The following PPT2 variants were observed in gnomAD, a reference collection of about 807,000 sequenced individuals.
PPT2 encodes lysosomal thioesterase PPT2.
A neutral mutation model predicts 37.3 loss-of-function variants in PPT2; 20 were observed. The ratio of observed to expected loss-of-function variants is 0.54; its 90% CI spans 0.38 to 0.78. PPT2 has a LOEUF of 0.78. Among genes scored for constraint, PPT2 ranks in the 30% least tolerant of loss-of-function variants. The pLI, the probability that PPT2 is intolerant of heterozygous loss-of-function variation, is 0.00. For synonymous variants in PPT2, 135 were observed against 159.1 expected (o/e 0.85, Z 1.14); for missense variants, 270 against 389.8 (o/e 0.69, Z 2.59).
In PPT2 at chr6:32,157,623, CTGTT is replaced by C; in HGVS notation, c.542-10_542-7del. The C allele has an allele frequency of 6.4e-7, 1 of 1,564,388 alleles. No individual in the cohort carries two copies. Among genetic ancestry groups the C allele is most frequent in the Non-Finnish European group, 8.8e-7 (1 of 1,135,706 alleles). On this transcript the variant is annotated splice_polypyrimidine_tract_variant and intron_variant, in intron 5 of 8. Transcript: ENST00000324816. Reference sequence around the variant, plus strand: ...CCTTTTCTGCTTCTTTTTCTAACTGCTGTTTGTACCCAGATCCCCACCACGATGA... The same window carrying C: ...CCTTTTCTGCTTCTTTTTCTAACTGCTGTACCCAGATCCCCACCACGATGA...
At chr6:32,154,054 G>T, upstream of PPT2, 2 of 1,119,134 alleles carry the variant, frequency 1.8e-6, no homozygotes, top group Non-Finnish European at 2.2e-6. This position sits in a 1 kb window ranked among gnomAD's most constrained non-coding sequence, Gnocchi z 7.3. Flanking sequence ...TCTGTGTTGC[G>T]GGGAACGCTC....
chr6:32,153,667 G>C, upstream of PPT2: 1 of 1,574,498 alleles, frequency 6.4e-7, no homozygotes, highest in Non-Finnish European at 8.6e-7. The surrounding 1 kb of genome is among the most constrained non-coding windows in gnomAD (Gnocchi z 4.4). Context: ...GGACTGGAGG[G>C]TGGGGTGGGG....
Position 32,155,568 on chromosome 6 carries a change from GTGTC to G in PPT2, c.338-116_338-113del. Reference sequence around the variant, plus strand: ...CCTCAGTCTCCTTTGTGTACAGTGTGTGTCTGTGTGTGTCTCTGTGTGTGTGTGT... The same window carrying G: ...CCTCAGTCTCCTTTGTGTACAGTGTGTGTGTGTGTCTCTGTGTGTGTGTGT... On this transcript the variant is annotated intron_variant, in intron 3 of 8. Transcript: ENST00000324816. This position sits in a 1 kb window ranked among gnomAD's most constrained non-coding sequence, Gnocchi z 4.3. 2.4e-6 allele frequency: 2 copies of G among 836,294 alleles called. No individual in the cohort carries two copies. The highest frequency in any genetic ancestry group is 2.5e-5 in the East Asian group (1 of 40,666). The allele number at this position is 836,294 out of a possible 1,614,324, so 51.8% of individuals were successfully genotyped here. A position where few individuals can be genotyped will look rare whatever the true frequency, so the allele number is the denominator to read the frequency against.
upstream of PPT2, chr6:32,153,585 T>C: frequency 6.3e-7 from 1 of 1,583,350 alleles, no homozygotes; most frequent in South Asian, 1.2e-5. This position sits in a 1 kb window ranked among gnomAD's most constrained non-coding sequence, Gnocchi z 4.4. Context: ...CCTCGAGGAC[T>C]CTCTGCGTCT....
rs1783649411 is a variant in PPT2 at position 32,154,914 on chromosome 6, G to C, written c.184-116G>C. On this transcript the variant is annotated intron_variant, in intron 2 of 8. Coordinates refer to ENST00000324816, the MANE Select transcript of PPT2 (RefSeq NM_005155.7). This position sits in a 1 kb window ranked among gnomAD's most constrained non-coding sequence, Gnocchi z 7.3. ...CTGGTGCTGGCGTGGGGGAGAGTTG[G>C]GGGACGGGATCCCTGGTTCTAGCAG... 6.5e-7 allele frequency: 1 copy of C among 1,540,626 alleles called. No individual in the cohort carries two copies. Among genetic ancestry groups the C allele is most frequent in the Middle Eastern group, 2.2e-4 (1 of 4,508 alleles).
rs9281662 is a variant in PPT2 at position 32,157,179 on chromosome 6, TAA to T, written c.542-447_542-446del. 48 of 151,340 alleles carry T rather than the reference TAA, an allele frequency of 3.2e-4. 1 individual carries two copies. In the South Asian group the frequency reaches 6.4e-3, roughly 20 times the overall value. The allele number at this position is 151,340 out of a possible 1,614,324, so 9.4% of individuals were successfully genotyped here. ...CTGGGTGACGGAGTGAGATTTCATC[TAA>T]AAAAAAAAAAGTACTTGTTACTATG... On this transcript the variant is annotated intron_variant, in intron 5 of 8. Coordinates refer to ENST00000324816, the MANE Select transcript of PPT2 (RefSeq NM_005155.7).
In PPT2 at chr6:32,155,820, T is replaced by G; in HGVS notation, c.433+37T>G. 1 of 1,611,238 alleles carries G rather than the reference T, an allele frequency of 6.2e-7. No individual in the cohort carries two copies. Among genetic ancestry groups the G allele is most frequent in the Non-Finnish European group, 8.5e-7 (1 of 1,177,440 alleles). ...CTAGACTCCATAGAATGCCCTGAGT[T>G]TTGGGGGAACAGAGGTTTATGGTCA... On this transcript the variant is annotated intron_variant, in intron 4 of 8. Coordinates refer to ENST00000324816, the MANE Select transcript of PPT2 (RefSeq NM_005155.7). This position sits in a 1 kb window ranked among gnomAD's most constrained non-coding sequence, Gnocchi z 4.3.
rs143821033 is a variant in PPT2, at chr6:32,155,705, G to A, written c.355G>A (p.Ala119Thr). 2.0e-5 allele frequency: 32 copies of A among 1,613,772 alleles called. No individual in the cohort carries two copies. The highest frequency in any genetic ancestry group is 2.7e-5 in the Non-Finnish European group (32 of 1,179,996). The change falls in exon 4 of 9, where the codon GCT (alanine) becomes ACT (threonine). Residue 119 changes from alanine (A) to threonine (T), a missense_variant. Transcript: ENST00000324816. This position sits in a 1 kb window ranked among gnomAD's most constrained non-coding sequence, Gnocchi z 4.3. ...CYSQGGLVCR[A>T]LLSVMDDHNV... ...GCTTACAGGGGGCCTTGTGTGCCGGGCTCTGCTTTCTGTCATGGATGATCA... is the reference window on the plus strand; with the variant it reads ...GCTTACAGGGGGCCTTGTGTGCCGGACTCTGCTTTCTGTCATGGATGATCA...
In PPT2 at chr6:32,157,734, C is replaced by G; in HGVS notation, c.625+14C>G. 6.3e-7 allele frequency: 1 copy of G among 1,577,490 alleles called. No homozygotes were observed. On this transcript the variant is annotated intron_variant, in intron 6 of 8. Coordinates refer to ENST00000324816, the MANE Select transcript of PPT2 (RefSeq NM_005155.7). Reference sequence around the variant, plus strand: ...CCAATGCCACAGGTGAGAATTCAGGCTCCTACCTGTGTTGCTTTTTCTGCT... The same window carrying G: ...CCAATGCCACAGGTGAGAATTCAGGGTCCTACCTGTGTTGCTTTTTCTGCT...
chr6:32,154,688 C>T lies in PPT2; in HGVS notation c.94C>T (p.His32Tyr). 1 of 1,613,092 alleles carries T rather than the reference C, an allele frequency of 6.2e-7. No individual in the cohort carries two copies. Among genetic ancestry groups the T allele is most frequent in the Non-Finnish European group, 8.5e-7 (1 of 1,180,014 alleles). ...GCTGCTGCTTGCAGCCCCCGCGCCC[C>T]ACCGCGCGTCCTACAAGCCGGTCAT... ...PLLLLAAPAPHRASYKPVIVV... is the reference protein window; with the variant it reads ...PLLLLAAPAPYRASYKPVIVV... The change falls in exon 2 of 9, where the codon CAC becomes TAC. Residue 32 changes from histidine (H) to tyrosine (Y), a missense_variant. Transcript: ENST00000324816. The surrounding 1 kb of genome is among the most constrained non-coding windows in gnomAD (Gnocchi z 7.3).
chr6:32,158,002 CT>C, intron 7 of PPT2, 78 bp downstream of exon 7: 1 of 1,255,516 alleles, frequency 8.0e-7, no homozygotes, highest in South Asian at 1.4e-5. Context: ...CATGCCTAAA[CT>C]GGCCTGCTCC....
chr6:32,159,589 AATATTGTAATAAT>A (rs1409039710), intron 7 of PPT2, among the ~76,000 whole-genome samples: 1 of 151,474 alleles, frequency 6.6e-6, no homozygotes, highest in Non-Finnish European at 1.5e-5. Context: ...CATCTCTTAA[AATATTGTAATAAT>A]ATAATAGTAA....
rs1195948497 is a variant in PPT2 at position 32,156,187 on chromosome 6, C to T, written c.541+209C>T. Among the ~76,000 whole-genome samples, 1 of 151,798 alleles carries T rather than the reference C, an allele frequency of 6.6e-6. No homozygotes were observed. Among genetic ancestry groups the T allele is most frequent in the East Asian group, 1.9e-4 (1 of 5,162 alleles). On this transcript the variant is annotated intron_variant, in intron 5 of 8. Transcript: ENST00000324816. The surrounding 1 kb of genome is among the most constrained non-coding windows in gnomAD (Gnocchi z 4.9). ...AGTGCACCATCTTGGCTCACTGCAA[C>T]CTCCGCCTCCCAGGTTCAAGTGATC...
Position 32,157,648 on chromosome 6 carries a change from G to A in PPT2, c.553G>A (p.Asp185Asn), listed in dbSNP as rs752170776. 23 of 1,597,008 alleles carry A rather than the reference G, an allele frequency of 1.4e-5. No individual in the cohort carries two copies. Among genetic ancestry groups the A allele is most frequent in the Non-Finnish European group, 1.4e-5 (16 of 1,165,514 alleles). The stretch of plus-strand genomic sequence containing the variant: ...CTGTTTGTACCCAGATCCCCACCAC[G>A]ATGACTTGTACCTCAATGCCAGCAG... ...ICNYWHDPHHDDLYLNASSFL... is the reference protein window; with the variant it reads ...ICNYWHDPHHNDLYLNASSFL... Residue 185 changes from aspartate to asparagine, a missense_variant, in exon 6 of 9, where the codon GAT becomes AAT. Coordinates refer to ENST00000324816, the MANE Select transcript of PPT2 (RefSeq NM_005155.7).
In PPT2 at chr6:32,154,823, G is replaced by A. The variant is rs1433651952; in HGVS notation, c.183+46G>A. The stretch of plus-strand genomic sequence containing the variant: ...GTGCAGGGCGTTAGAGGCGTCTACT[G>A]TGGCAGGGGAGGGAGAGCGGGGAAC... On this transcript the variant is annotated intron_variant, in intron 2 of 8. Transcript: ENST00000324816. The surrounding 1 kb of genome is among the most constrained non-coding windows in gnomAD (Gnocchi z 7.3). 6.3e-7 allele frequency: 1 copy of A among 1,584,856 alleles called. No individual in the cohort carries two copies. The highest frequency in any genetic ancestry group is 8.6e-7 in the Non-Finnish European group (1 of 1,160,972).
Position 32,162,817 on chromosome 6 carries a change from G to A in PPT2, c.776G>A (p.Arg259Gln), listed in dbSNP as rs766049550. 7 of 1,613,368 alleles carry A rather than the reference G, an allele frequency of 4.3e-6. No homozygotes were observed. The highest frequency in any genetic ancestry group is 1.7e-5 in the Admixed American group (1 of 59,864). Residue 259 changes from arginine to glutamine, a missense_variant, in exon 9 of 9, where the codon CGG becomes CAG. By Grantham distance (43) the Arg-to-Gln change is conservative. Coordinates refer to ENST00000324816, the MANE Select transcript of PPT2 (RefSeq NM_005155.7). This position sits in a 1 kb window ranked among gnomAD's most constrained non-coding sequence, Gnocchi z 5.5. The part of the protein sequence containing the change: ...LEMEEQLVYL[R>Q]DSFGLKTLLA... ...TCGACCACCTTGAAGGTTTATCTGCGGGATTCTTTTGGGTTGAAGACTCTA... is the reference window on the plus strand; with the variant it reads ...TCGACCACCTTGAAGGTTTATCTGCAGGATTCTTTTGGGTTGAAGACTCTA...
Position 32,154,366 on chromosome 6 carries a change from C to T in PPT2, c.-47C>T. On this transcript the variant is annotated 5_prime_UTR_variant, in exon 1 of 9. Coordinates refer to ENST00000324816, the MANE Select transcript of PPT2 (RefSeq NM_005155.7). The surrounding 1 kb of genome is among the most constrained non-coding windows in gnomAD (Gnocchi z 7.3). ...TCCTGGACCTAGAGAACAAGTCCCC[C>T]GAACGCTGAGTTGGAGGCGGGACTT... 2 of 1,423,570 alleles carry T rather than the reference C, an allele frequency of 1.4e-6. No individual in the cohort carries two copies. Among genetic ancestry groups the T allele is most frequent in the Non-Finnish European group, 1.8e-6 (2 of 1,093,342 alleles). 88.2% of individuals were successfully genotyped at this position (1,423,570 alleles called of 1,614,324 possible).
intron 7 of PPT2, among the ~76,000 whole-genome samples, chr6:32,159,433 C>CAAAAAAAAAAAAAAAAAA (rs1214191656): frequency 2.7e-4 from 6 of 22,198 alleles, no homozygotes; most frequent in African/African-American, 4.3e-4. Flanking sequence ...AACTCCATCT[C>CAAAAAAAAAAAAAAAAAA]AAAAAAAAAA....
chr6:32,155,893 GT>G lies in PPT2; in HGVS notation c.458del (p.Phe153SerfsTer45). 1 of 1,614,016 alleles carries G rather than the reference GT, an allele frequency of 6.2e-7. No individual in the cohort carries two copies. Among genetic ancestry groups the G allele is most frequent in the Non-Finnish European group, 8.5e-7 (1 of 1,179,984 alleles). ...YGDTDYLKWL[F>X]PTSMRSNLYR... ...CAGACACGGACTACTTGAAGTGGCT[GT>G]TCCCCACCTCCATGCGGTCTAACCT... On this transcript the variant is annotated frameshift_variant, in exon 5 of 9. Transcript: ENST00000324816. LOFTEE classifies it high-confidence loss of function. The surrounding 1 kb of genome is among the most constrained non-coding windows in gnomAD (Gnocchi z 4.3).
Sources: gnomAD v4.1 joint callset for allele counts (sites outside exome capture counted in the v4.1 genomes callset) on GRCh38, gnomAD v4.1.1 for gene constraint, Gnocchi (gnomAD v3.1) non-coding constraint, MANE v1.5 for transcripts, NCBI Gene and HGNC (gene_info 2026-07-23, HGNC 2026-07-21) for gene names.